Variants in PSME4 observed in about 807,000 individuals in gnomAD.
PSME4 encodes the protein proteasome activator subunit 4.
In PSME4, 89 loss-of-function variants were observed where a neutral mutation model predicts 253.9. The observed-to-expected ratio is 0.35, with a 90% CI of 0.30 to 0.42. The LOEUF is 0.42. PSME4 is among the 10% of genes least tolerant of loss of function. The probability of loss-of-function intolerance (pLI) is 1.00; values close to 1 mark genes in which losing one functional copy is unlikely to be tolerated. For missense variants in PSME4, 2,014 were observed against 2,195.2 expected (o/e 0.92, Z 1.65); for synonymous variants, 851 against 759.2 (o/e 1.12, Z -1.99).
chr2:53,886,765 G>A (rs527415693), intron 40 of PSME4, among the ~76,000 whole-genome samples: 2 of 152,310 alleles, frequency 1.3e-5, no homozygotes, highest in African/African-American at 4.8e-5. Flanking sequence ...AATGTTCAGA[G>A]CAGCATTAGT....
chr2:53,920,898 A>G lies in PSME4; in HGVS notation c.2253T>C (p.Phe751=), dbSNP rs756938153. 5.6e-6 allele frequency: 9 copies of G among 1,599,096 alleles called. No homozygotes were observed. The South Asian group carries it at 6.6e-5, about 12-fold the overall frequency. Reference sequence around the variant, plus strand: ...TACTGAAAATGCTTGCCTTGATAGGAAAGTATTCAGAAGGAGGCTTGTCAA... The same window carrying G: ...TACTGAAAATGCTTGCCTTGATAGGGAAGTATTCAGAAGGAGGCTTGTCAA... ...GGFDKPPSEY[F]PIKDWGKPGD... is the part of the protein sequence containing the mutation. Residue 751 remains phenylalanine, a synonymous_variant, in exon 18 of 47, where the codon TTT becomes TTC. Transcript: ENST00000404125.
chr2:53,940,003 G>A lies in PSME4; in HGVS notation c.501-3C>T, dbSNP rs781609993. 3.9e-6 allele frequency: 6 copies of A among 1,549,080 alleles called. No homozygotes were observed. Among genetic ancestry groups the A allele is most frequent in the African/African-American group, 2.7e-5 (2 of 72,824 alleles). ...TTTTGAGAATATTTTCTACAGAACTGGGGGGGGAAAGCCATTTGATAATTA... is the reference window on the plus strand; with the variant it reads ...TTTTGAGAATATTTTCTACAGAACTAGGGGGGGAAAGCCATTTGATAATTA... On this transcript the variant is annotated splice_region_variant and splice_polypyrimidine_tract_variant and intron_variant, in intron 3 of 46. Coordinates refer to ENST00000404125, the MANE Select transcript of PSME4 (RefSeq NM_014614.3).
intron 41 of PSME4, among the ~76,000 whole-genome samples, chr2:53,878,399 T>A (rs191778985): frequency 6.6e-6 from 1 of 152,306 alleles, no homozygotes; most frequent in African/African-American, 2.4e-5. Flanking sequence ...TTGCACAAAT[T>A]GTTTAAACAA....
chr2:53,866,234 G>C lies in PSME4; in HGVS notation c.5398-11C>G. 1 of 1,613,412 alleles carries C rather than the reference G, an allele frequency of 6.2e-7. No individual in the cohort carries two copies. The highest frequency in any genetic ancestry group is 1.3e-5 in the African/African-American group (1 of 74,984). On this transcript the variant is annotated splice_polypyrimidine_tract_variant and intron_variant, in intron 45 of 46. Transcript: ENST00000404125. ...TTTTTTTACAGTCATCTGTAAAGTA[G>C]ACAACCCACATACGTTTTAACCTCT...
Position 53,871,503 on chromosome 2 carries a change from C to T in PSME4, c.5101-1965G>A, listed in dbSNP as rs542899193. Among the ~76,000 whole-genome samples, 397 of 152,052 alleles carry T rather than the reference C, an allele frequency of 2.6e-3. 1 individual carries two copies. The highest frequency in any genetic ancestry group is 9.3e-3 in the African/African-American group (385 of 41,494). On this transcript the variant is annotated intron_variant, in intron 43 of 46. Coordinates refer to ENST00000404125, the MANE Select transcript of PSME4 (RefSeq NM_014614.3). The stretch of plus-strand genomic sequence containing the variant: ...TCTCCTGACCTCGTGATCCGCCCAC[C>T]TCGGCCTCCCAAAGTGCTGGGATTA...
At chr2:53,966,844 C>T (rs1670761903) in intron 1 of PSME4, among the ~76,000 whole-genome samples, 1 of 152,046 alleles carries the variant, frequency 6.6e-6, no homozygotes, top group Admixed American at 6.6e-5. Context: ...GGATTAAAGG[C>T]GTGCACCACC....
intron 20 of PSME4, among the ~76,000 whole-genome samples, chr2:53,913,027 C>T (rs1340168403): frequency 6.6e-6 from 1 of 152,186 alleles, no homozygotes; most frequent in Non-Finnish European, 1.5e-5. Context: ...ATCACTACCT[C>T]TCCCTTCCTC....
chr2:53,965,851 T>A (rs1418251392), intron 1 of PSME4, among the ~76,000 whole-genome samples: 1 of 151,978 alleles, frequency 6.6e-6, no homozygotes, highest in Non-Finnish European at 1.5e-5. Flanking sequence ...TTTTTGTATT[T>A]TCAGCAGAGA....
At chr2:53,913,185 C>A (rs1303834316) in intron 20 of PSME4, among the ~76,000 whole-genome samples, 1 of 152,070 alleles carries the variant, frequency 6.6e-6, no homozygotes, top group African/African-American at 2.4e-5. Context: ...ATTAAATCTG[C>A]TTCATAGCTT....
intron 20 of PSME4, among the ~76,000 whole-genome samples, chr2:53,911,981 T>C (rs1338581669): frequency 6.6e-6 from 1 of 152,234 alleles, no homozygotes; most frequent in Non-Finnish European, 1.5e-5. Context: ...AAAATAATCA[T>C]TTATGCTGAC....
At chr2:53,920,400 A>G in intron 18 of PSME4, 50 bp from the exon 19 acceptor site, 2 of 1,502,454 alleles carry the variant, frequency 1.3e-6, no homozygotes, top group Non-Finnish European at 1.8e-6. Flanking sequence ...AAAAACAACA[A>G]CAACAAACCC....
chr2:53,897,703 T>G (rs1179600461), intron 31 of PSME4, among the ~76,000 whole-genome samples, 167 bp downstream of exon 31: 1 of 152,246 alleles, frequency 6.6e-6, no homozygotes, highest in Non-Finnish European at 1.5e-5. Context: ...AACATGTTCA[T>G]TTGTTAGATG....
At chr2:53,895,768 T>A (rs756896117) in intron 32 of PSME4, 32 bp from the exon 33 acceptor site, 8 of 1,533,748 alleles carry the variant, frequency 5.2e-6, no homozygotes, top group Admixed American at 2.2e-5. Flanking sequence ...TTGATGAATT[T>A]AAAAATATTC....
chr2:53,913,121 A>T (rs1667903108), intron 20 of PSME4, among the ~76,000 whole-genome samples: 1 of 152,220 alleles, frequency 6.6e-6, no homozygotes, highest in Non-Finnish European at 1.5e-5. Flanking sequence ...AATTCAAAAA[A>T]ATAATTCCAG....
intron 40 of PSME4, 112 bp downstream of exon 40, chr2:53,887,147 T>C (rs1679677597): frequency 1.0e-6 from 1 of 971,174 alleles, no homozygotes. Context: ...GTTAAAACAG[T>C]AAATTTTTCA....
chr2:53,905,657 A>C (rs1680622973), intron 26 of PSME4, among the ~76,000 whole-genome samples: 1 of 152,104 alleles, frequency 6.6e-6, no homozygotes, highest in South Asian at 2.1e-4. Context: ...TGAGTTCAAG[A>C]CCTGAGTTCA....
intron 44 of PSME4, 121 bp downstream of exon 44, chr2:53,869,255 T>C: frequency 1.9e-6 from 2 of 1,032,490 alleles, no homozygotes; most frequent in South Asian, 2.9e-5. Context: ...GGGAAAACTT[T>C]TCCCAATACC....
In PSME4 at chr2:53,910,999, G is replaced by C. The variant is rs1407625016; in HGVS notation, c.2517-869C>G. ...TACTAATCACCAATGAACTGCACAA[G>C]ACTTGCCATGAAGAAAATACTATTT... On this transcript the variant is annotated intron_variant, in intron 20 of 46. Transcript: ENST00000404125. Among the ~76,000 whole-genome samples the C allele has an allele frequency of 6.6e-5, 10 of 152,116 alleles. No individual in the cohort carries two copies. In the East Asian group the frequency reaches 1.9e-3, roughly 29 times the overall value.
Position 53,937,378 on chromosome 2 carries a change from T to G in PSME4, c.695+13A>C. On this transcript the variant is annotated intron_variant, in intron 5 of 46. Transcript: ENST00000404125. ...CGTATTTTTAGAATTTGTCAAGATA[T>G]GAACATACTTACTTAAAACCTTTAT... 6.4e-7 allele frequency: 1 copy of G among 1,555,828 alleles called. No homozygotes were observed. Among genetic ancestry groups the G allele is most frequent in the Non-Finnish European group, 8.7e-7 (1 of 1,145,750 alleles).
Sources: gnomAD v4.1 joint callset for allele counts (sites outside exome capture counted in the v4.1 genomes callset) on GRCh38, gnomAD v4.1.1 for gene constraint, MANE v1.5 for transcripts, NCBI Gene and HGNC (gene_info 2026-07-23, HGNC 2026-07-21) for gene names.